The following PLET1 variants were observed in gnomAD, a reference collection of about 807,000 sequenced individuals.
The protein encoded by PLET1 is placenta-expressed transcript 1 protein.
PLET1 carries 20 observed loss-of-function variants against 18.5 expected under a neutral mutation model. That is an observed-to-expected ratio of 1.08 (90% confidence interval 0.76 to 1.57). PLET1 has a LOEUF of 1.57. Among genes scored for constraint, PLET1 ranks in the 40% most tolerant of loss-of-function variants. PLET1 has a pLI of 0.00. For missense variants in PLET1, 256 were observed against 246.4 expected (o/e 1.04, Z -0.26); for synonymous variants, 93 against 93.8 (o/e 0.99, Z 0.05).
chr11:112,260,618 C>T lies in PLET1; in HGVS notation c.-29G>A. 1 of 1,536,200 alleles carries T rather than the reference C, an allele frequency of 6.5e-7. No individual in the cohort carries two copies. Among genetic ancestry groups the T allele is most frequent in the Non-Finnish European group, 8.8e-7 (1 of 1,138,656 alleles). On this transcript the variant is annotated 5_prime_UTR_variant, in exon 1 of 4. Transcript: ENST00000338832. Reference sequence around the variant, plus strand: ...CTCAGTCTGTTTGGAAAGTGCTAGGCCTGGAATTGGGTGAAACTGACAACT... The same window carrying T: ...CTCAGTCTGTTTGGAAAGTGCTAGGTCTGGAATTGGGTGAAACTGACAACT...
chr11:112,255,461 C>A lies in PLET1; in HGVS notation c.313G>T (p.Asp105Tyr), dbSNP rs1263584750. The stretch of plus-strand genomic sequence containing the variant: ...GCCTCTAAGACCGTCATGTATTGAT[C>A]TTTCACGTAATACGTGGAGTTGCTG... Reference protein sequence around the residue: ...CYSNSTYYVKDQYMTVLEAQW... With the variant: ...CYSNSTYYVKYQYMTVLEAQW... Residue 105 changes from aspartate (D) to tyrosine (Y), a missense_variant, in exon 2 of 4, where the codon GAT becomes TAT. Asp to Tyr is a radical substitution (Grantham distance 160). Transcript: ENST00000338832. 1.9e-6 allele frequency: 3 copies of A among 1,552,300 alleles called. No homozygotes were observed. The highest frequency in any genetic ancestry group is 2.4e-5 in the East Asian group (1 of 40,932).
intron 1 of PLET1, 129 bp from the exon 2 acceptor site, chr11:112,255,718 T>C (rs897826186): frequency 1.3e-6 from 1 of 749,322 alleles, no homozygotes; most frequent in African/African-American, 1.7e-5. Flanking sequence ...ATCGAGTATA[T>C]GGTCTCACTG....
intron 1 of PLET1, among the ~76,000 whole-genome samples, chr11:112,259,223 A>T (rs371733156): frequency 4.6e-5 from 7 of 152,336 alleles, no homozygotes; most frequent in Admixed American, 3.9e-4. Flanking sequence ...GGAAGAGTAT[A>T]TAGTGGTTAA....
At position 112,257,951 on chromosome 11, in the gene PLET1, A is replaced by G. The variant is rs1220043918; in HGVS notation, c.185-2362T>C. ...GTAACCACGGGTGTGGGATCTGGCA[A>G]TTTACATCTCCGTCGGCGAAGATTT... On this transcript the variant is annotated intron_variant, in intron 1 of 3. Transcript: ENST00000338832. Among the ~76,000 whole-genome samples, 4 of 152,304 alleles carry G rather than the reference A, an allele frequency of 2.6e-5. No individual in the cohort carries two copies. In the East Asian group the frequency reaches 7.7e-4, roughly 29 times the overall value.
At chr11:112,252,254 A>C in intron 3 of PLET1, 94 bp downstream of exon 3, 1 of 1,122,380 alleles carries the variant, frequency 8.9e-7, no homozygotes, top group Non-Finnish European at 1.3e-6. Flanking sequence ...GATGCGTGGT[A>C]AGAAGACCCT....
At chr11:112,254,168 T>C (rs1860185524) in intron 2 of PLET1, among the ~76,000 whole-genome samples, 2 of 151,430 alleles carry the variant, frequency 1.3e-5, no homozygotes, top group Non-Finnish European at 2.9e-5. Context: ...CTCAGTTCTT[T>C]CTGAGGATGT....
chr11:112,260,525 A>T lies in PLET1; in HGVS notation c.65T>A (p.Leu22His). The T allele has an allele frequency of 1.3e-6, 2 of 1,551,718 alleles. No homozygotes were observed. The highest frequency in any genetic ancestry group is 1.7e-6 in the Non-Finnish European group (2 of 1,146,956). ...GTACCTTATAAAGGTGGCAGAAGAAAGCTGCAGACTGAGGCACAGAAACAT... is the reference window on the plus strand; with the variant it reads ...GTACCTTATAAAGGTGGCAGAAGAATGCTGCAGACTGAGGCACAGAAACAT... ...LGMFLCLSLQ[L>H]SSATFIRYSS... The change falls in exon 1 of 4, where the codon CTT becomes CAT. Residue 22 changes from leucine (L) to histidine (H), a missense_variant. Physicochemically the swap from Leu to His is moderately conservative, Grantham distance 99. Coordinates refer to ENST00000338832, the MANE Select transcript of PLET1 (RefSeq NM_001145024.1).
At chr11:112,257,689 A>T (rs564589138) in intron 1 of PLET1, among the ~76,000 whole-genome samples, 3 of 152,268 alleles carry the variant, frequency 2.0e-5, no homozygotes, top group South Asian at 2.1e-4. Context: ...TCTTTCACTG[A>T]TATCAAAACA....
chr11:112,258,064 A>C (rs1214184611), intron 1 of PLET1, among the ~76,000 whole-genome samples: 1 of 152,112 alleles, frequency 6.6e-6, no homozygotes, highest in Non-Finnish European at 1.5e-5. Context: ...GAATTGGATA[A>C]AGTTTGGGGG....
chr11:112,252,424 T>G lies in PLET1; in HGVS notation c.387-15A>C. On this transcript the variant is annotated splice_polypyrimidine_tract_variant and intron_variant, in intron 2 of 3. Coordinates refer to ENST00000338832, the MANE Select transcript of PLET1 (RefSeq NM_001145024.1). ...CAGTGAAAGCTCTGTGGAGGGCAAA[T>G]CAATGAGAGATAATGCTGAGGACCT... 1.9e-6 allele frequency: 3 copies of G among 1,548,946 alleles called. No individual in the cohort carries two copies. The highest frequency in any genetic ancestry group is 2.4e-5 in the South Asian group (2 of 83,968).
chr11:112,255,653 A>G (rs897654098), intron 1 of PLET1, 64 bp from the exon 2 acceptor site: 6 of 1,389,094 alleles, frequency 4.3e-6, no homozygotes, highest in Non-Finnish European at 5.0e-6. Flanking sequence ...TCGAGGGATG[A>G]GGGCAGTGAA....
chr11:112,256,229 G>A (rs1307824196), intron 1 of PLET1, among the ~76,000 whole-genome samples: 1 of 152,178 alleles, frequency 6.6e-6, no homozygotes, highest in Non-Finnish European at 1.5e-5. Flanking sequence ...ATGTGTAATG[G>A]AGAGGGCATT....
At chr11:112,251,098 G>C (rs367884411) in intron 3 of PLET1, among the ~76,000 whole-genome samples, 1 of 151,958 alleles carries the variant, frequency 6.6e-6, no homozygotes, top group South Asian at 2.1e-4. Flanking sequence ...TCTTGTTCTT[G>C]GTTGAATCTT....
At chr11:112,252,607 C>T (rs1183624501) in intron 2 of PLET1, among the ~76,000 whole-genome samples, 198 bp from the exon 3 acceptor site, 2 of 152,200 alleles carry the variant, frequency 1.3e-5, no homozygotes, top group Non-Finnish European at 2.9e-5. Context: ...TCCACACAGC[C>T]TCTCCCATTC....
At chr11:112,255,621 A>C in intron 1 of PLET1, 32 bp from the exon 2 acceptor site, 5 of 1,538,904 alleles carry the variant, frequency 3.2e-6, no homozygotes, top group Non-Finnish European at 4.4e-6. Flanking sequence ...GCAATCAGCC[A>C]TCTGTTCCCT....
At chr11:112,259,960 C>T (rs1860269334) in intron 1 of PLET1, among the ~76,000 whole-genome samples, 3 of 152,216 alleles carry the variant, frequency 2.0e-5, no homozygotes, top group South Asian at 4.1e-4. Context: ...ATTGCTTGAA[C>T]CCAGGAGGCG....
chr11:112,249,814 C>T (rs889988934), intron 3 of PLET1, among the ~76,000 whole-genome samples: 8 of 151,580 alleles, frequency 5.3e-5, no homozygotes, highest in South Asian at 2.1e-4. Flanking sequence ...AAAATTAGCC[C>T]GGTGTGGTGG....
intron 3 of PLET1, among the ~76,000 whole-genome samples, chr11:112,251,410 C>G (rs1210156445): frequency 6.6e-6 from 1 of 151,968 alleles, no homozygotes; most frequent in Non-Finnish European, 1.5e-5. Flanking sequence ...ATGGTGAAAC[C>G]CCATTTCCAC....
In PLET1 at chr11:112,255,514, A is replaced by T. The variant is rs960211218; in HGVS notation, c.260T>A (p.Leu87His). 3.9e-6 allele frequency: 6 copies of T among 1,551,772 alleles called. No homozygotes were observed. The highest frequency in any genetic ancestry group is 5.2e-6 in the Non-Finnish European group (6 of 1,146,900). Residue 87 changes from leucine to histidine, a missense_variant, in exon 2 of 4, where the codon CTC becomes CAC. Coordinates refer to ENST00000338832, the MANE Select transcript of PLET1 (RefSeq NM_001145024.1). ...GCAATTTTTATCCGCTCTTTGCCAG[A>T]GGCCCGCTGAGTCACTGTTCTCGTC... is the stretch of plus-strand genomic sequence containing the variant. ...TLDENSDSAG[L>H]WQRADKNCYS...
Sources: allele counts gnomAD v4.1 joint callset (sites outside exome capture counted in the v4.1 genomes callset), GRCh38; gene constraint gnomAD v4.1.1; transcripts MANE v1.5; gene names NCBI Gene and HGNC (gene_info 2026-07-23, HGNC 2026-07-21).